LRRC9: variants seen among roughly 807,000 people sequenced by gnomAD.
LRRC9 encodes the protein leucine rich repeat containing 9.
A neutral mutation model predicts 63.2 loss-of-function variants in LRRC9; 122 were observed. The observed-to-expected ratio is 1.93, with a 90% confidence interval of 1.67 to 2.24. LRRC9 has a LOEUF of 2.24. Ranked by LOEUF, LRRC9 falls within the 30% of genes most tolerant of loss-of-function variation. LRRC9 has a pLI of 0.00. For synonymous variants in LRRC9, 366 were observed against 213.1 expected (o/e 1.72, Z -6.25); for missense variants, 1,071 against 627.7 (o/e 1.71, Z -7.55).
At chr14:60,049,763 C>T (rs1400074699) in intron 29 of LRRC9, among the ~76,000 whole-genome samples, 1 of 151,950 alleles carries the variant, frequency 6.6e-6, no homozygotes, top group East Asian at 1.9e-4. Context: ...GAGTATCTTA[C>T]TGGGGTTCTC....
intron 29 of LRRC9, among the ~76,000 whole-genome samples, chr14:60,049,065 CT>C (rs1893679079): frequency 6.6e-6 from 1 of 152,006 alleles, no homozygotes; most frequent in Non-Finnish European, 1.5e-5. Context: ...TAGAACAGGC[CT>C]TTGATAAAGT....
At chr14:60,015,517 G>C (rs1375496086) in intron 23 of LRRC9, among the ~76,000 whole-genome samples, 1 of 152,118 alleles carries the variant, frequency 6.6e-6, no homozygotes, top group Non-Finnish European at 1.5e-5. Flanking sequence ...TGACAACCTG[G>C]AGGTGTGTTC....
At chr14:60,006,842 T>A (rs903733358) in intron 22 of LRRC9, 2 of 312,546 alleles carry the variant, frequency 6.4e-6, no homozygotes, top group African/African-American at 4.3e-5. Context: ...TAACTTTTTT[T>A]AAATACTCAA....
chr14:60,065,647 C>CAAA (rs60064309), downstream of LRRC9, among the ~76,000 whole-genome samples: 1 of 25,968 alleles, frequency 3.9e-5, no homozygotes, highest in African/African-American at 7.7e-5. Context: ...GACTCCCTCT[C>CAAA]AAAAAAAAAA....
In LRRC9 at chr14:59,958,780, C is replaced by T. The variant is rs1325454057; in HGVS notation, c.883-1038C>T. Among the ~76,000 whole-genome samples the T allele has an allele frequency of 6.6e-6, 1 of 152,256 alleles. No individual in the cohort carries two copies. The highest frequency in any genetic ancestry group is 2.4e-5 in the African/African-American group (1 of 41,462). ...TAGGCACACGAGGGAATCTCCTGAT[C>T]TGCAGATTGCAAAAACGGTGGGAAA... is the stretch of plus-strand genomic sequence containing the variant. On this transcript the variant is annotated intron_variant, in intron 8 of 31. Coordinates refer to ENST00000445360, the Ensembl canonical transcript of LRRC9. This position sits in a 1 kb window ranked among gnomAD's most constrained non-coding sequence, Gnocchi z 4.0.
intron 27 of LRRC9, among the ~76,000 whole-genome samples, chr14:60,023,442 G>C (rs539791370): frequency 6.6e-6 from 1 of 152,044 alleles, no homozygotes; most frequent in African/African-American, 2.4e-5. Context: ...TTGCAAGCAG[G>C]GGGAGGAGGA....
chr14:60,063,423 C>T, exon 32 of LRRC9: 1 of 674,892 alleles, frequency 1.5e-6, no homozygotes, highest in South Asian at 1.6e-5. Flanking sequence ...TGTACAAAAA[C>T]TAGCGGACAG....
intron 18 of LRRC9, 24 bp from the exon 19 acceptor site, chr14:59,999,077 A>AT: frequency 9.4e-6 from 6 of 637,342 alleles, no homozygotes; most frequent in South Asian, 5.5e-5. Flanking sequence ...GTTTATAAAA[A>AT]ATTTTTTTTT....
Position 59,966,987 on chromosome 14 carries a change from A to G in LRRC9, c.1389-109A>G. 1 of 541,954 alleles carries G rather than the reference A, an allele frequency of 1.8e-6. No homozygotes were observed. The highest frequency in any genetic ancestry group is 2.8e-5 in the East Asian group (1 of 35,838). The allele number at this position is 541,954 out of a possible 1,614,324, so 33.6% of individuals were successfully genotyped here. A position where few individuals can be genotyped will look rare whatever the true frequency, so the allele number is the denominator to read the frequency against. On this transcript the variant is annotated intron_variant, in intron 11 of 31. Coordinates refer to ENST00000445360, the Ensembl canonical transcript of LRRC9. The surrounding 1 kb of genome is among the most constrained non-coding windows in gnomAD (Gnocchi z 4.0). The stretch of plus-strand genomic sequence containing the variant: ...GAGCTATTAATAATGACACTAGAAC[A>G]TTGCATGTCAATGACAAATATCCCT...
At chr14:60,023,390 G>A (rs1891266313) in intron 27 of LRRC9, among the ~76,000 whole-genome samples, 1 of 151,910 alleles carries the variant, frequency 6.6e-6, no homozygotes, top group Non-Finnish European at 1.5e-5. Flanking sequence ...CTCTTTAAAG[G>A]AGTGATAGAA....
At chr14:60,022,670 T>C in intron 26 of LRRC9, 64 bp from the exon 27 acceptor site, 3 of 487,582 alleles carry the variant, frequency 6.2e-6, no homozygotes, top group Non-Finnish European at 1.1e-5. Context: ...TACTGAACTG[T>C]CTTTTTATAA....
rs1342023726 is a variant in LRRC9 at position 60,003,901 on chromosome 14, G to GA, written c.2842+106dup. 2 of 516,592 alleles carry GA rather than the reference G, an allele frequency of 3.9e-6. No individual in the cohort carries two copies. Among genetic ancestry groups the GA allele is most frequent in the Non-Finnish European group, 6.8e-6 (2 of 296,132 alleles). 32.0% of individuals were successfully genotyped at this position (516,592 alleles called of 1,614,324 possible). On this transcript the variant is annotated intron_variant, in intron 21 of 31. Coordinates refer to ENST00000445360, the Ensembl canonical transcript of LRRC9. The surrounding 1 kb of genome is among the most constrained non-coding windows in gnomAD (Gnocchi z 4.2). ...AGTTTCTGAAGAGGAAGATCTCTAG[G>GA]AAAGTTCCAAGTTTTTGTGGCAGGG...
intron 7 of LRRC9, among the ~76,000 whole-genome samples, chr14:59,939,116 C>T (rs10146830): frequency 6.8e-6 from 1 of 147,794 alleles, no homozygotes; most frequent in East Asian, 2.0e-4. Flanking sequence ...CATATATATA[C>T]ATATATATAA....
At chr14:60,028,437 CT>C (rs759779275) in intron 28 of LRRC9, among the ~76,000 whole-genome samples, 1 of 152,078 alleles carries the variant, frequency 6.6e-6, no homozygotes, top group Non-Finnish European at 1.5e-5. Flanking sequence ...TCCGGACTTC[CT>C]TTGGCCCCTT....
intron 29 of LRRC9, among the ~76,000 whole-genome samples, chr14:60,036,561 A>G (rs1892450838): frequency 6.6e-6 from 1 of 152,174 alleles, no homozygotes; most frequent in Admixed American, 6.6e-5. Context: ...ATCTGGTGAC[A>G]TCTTATGAAT....
chr14:60,064,046 G>A (rs995242385), downstream of LRRC9, among the ~76,000 whole-genome samples: 3 of 152,098 alleles, frequency 2.0e-5, no homozygotes, highest in South Asian at 2.1e-4. Context: ...AAAAGCGTCC[G>A]ATTTCAAATA....
chr14:59,990,293 T>C lies in LRRC9; in HGVS notation c.2211+5069T>C, dbSNP rs2140142885. 6.6e-6 allele frequency among the ~76,000 whole-genome samples: 1 copy of C among 152,322 alleles called. No homozygotes were observed. Among genetic ancestry groups the C allele is most frequent in the East Asian group, 1.9e-4 (1 of 5,190 alleles). ...TTCATTTTGAGTTTAGCCCCAACAGTTTCTTCTATGAGAAGGATTCTGTCT... is the reference window on the plus strand; with the variant it reads ...TTCATTTTGAGTTTAGCCCCAACAGCTTCTTCTATGAGAAGGATTCTGTCT... On this transcript the variant is annotated intron_variant, in intron 17 of 31. Transcript: ENST00000445360. The surrounding 1 kb of genome is among the most constrained non-coding windows in gnomAD (Gnocchi z 4.2).
rs1889591158 is a variant in LRRC9 at position 59,930,334 on chromosome 14, A to G, written c.268-584A>G. Among the ~76,000 whole-genome samples, 1 of 152,068 alleles carries G rather than the reference A, an allele frequency of 6.6e-6. No homozygotes were observed. The highest frequency in any genetic ancestry group is 2.1e-4 in the South Asian group (1 of 4,828). ...AGTCCCTACACTAAGATTTTATCCTAGAAAAGTTAACTCAATAGCAGAAAA... is the reference window on the plus strand; with the variant it reads ...AGTCCCTACACTAAGATTTTATCCTGGAAAAGTTAACTCAATAGCAGAAAA... On this transcript the variant is annotated intron_variant, in intron 3 of 31. Transcript: ENST00000445360. This position sits in a 1 kb window ranked among gnomAD's most constrained non-coding sequence, Gnocchi z 4.9.
chr14:60,000,878 T>C (rs1418688540), intron 19 of LRRC9, among the ~76,000 whole-genome samples: 2 of 152,082 alleles, frequency 1.3e-5, no homozygotes, highest in Non-Finnish European at 2.9e-5. Flanking sequence ...ATATCCAGAA[T>C]ATATAAGGAA....
Sources: allele counts gnomAD v4.1 joint callset (sites outside exome capture counted in the v4.1 genomes callset), GRCh38; gene constraint gnomAD v4.1.1; non-coding constraint Gnocchi (gnomAD v3.1); transcripts MANE v1.5; gene names NCBI Gene and HGNC (gene_info 2026-07-23, HGNC 2026-07-21).